MGRN1: variants seen among roughly 807,000 people sequenced by gnomAD.
MGRN1 encodes E3 ubiquitin-protein ligase MGRN1.
Under a neutral mutation model 69.2 loss-of-function variants are expected in MGRN1, and 29 were observed. That is an observed-to-expected ratio of 0.42 (90% CI 0.31 to 0.57). MGRN1 has a LOEUF of 0.57. Among genes scored for constraint, MGRN1 ranks in the 20% least tolerant of loss-of-function variants. MGRN1 has a pLI of 0.15. For missense variants in MGRN1, 998 were observed against 796.2 expected (o/e 1.25, Z -3.05); for synonymous variants, 470 against 344.2 (o/e 1.37, Z -4.04).
rs114719525 is a variant in MGRN1 at position 4,678,536 on chromosome 16, C to T, written c.1065+964C>T. Among the ~76,000 whole-genome samples, 906 of 150,122 alleles carry T rather than the reference C, an allele frequency of 6.0e-3. 8 individuals are homozygous for T. Among genetic ancestry groups the T allele is most frequent in the Middle Eastern group, 0.017 (5 of 294 alleles). ...GAAGAGACAGACAGATGTGGAGAGACGGAGAGACAGATGTGGAGAGACAGG... is the reference window on the plus strand; with the variant it reads ...GAAGAGACAGACAGATGTGGAGAGATGGAGAGACAGATGTGGAGAGACAGG... On this transcript the variant is annotated intron_variant, in intron 11 of 16. Coordinates refer to ENST00000262370, the MANE Select transcript of MGRN1 (RefSeq NM_015246.4).
chr16:4,685,544 G>A (rs2079292962), intron 16 of MGRN1, among the ~76,000 whole-genome samples: 1 of 152,260 alleles, frequency 6.6e-6, no homozygotes, highest in Non-Finnish European at 1.5e-5. Flanking sequence ...CCCGCTCTTG[G>A]AGTTGGCTGC....
intron 11 of MGRN1, among the ~76,000 whole-genome samples, chr16:4,678,582 C>T (rs1011799677): frequency 3.9e-5 from 6 of 151,978 alleles, no homozygotes; most frequent in African/African-American, 1.2e-4. Context: ...TGTGGAGAGA[C>T]ACAGGGAGAG....
intron 16 of MGRN1, chr16:4,687,186 C>CTGT (rs2079342792): frequency 1.0e-6 from 1 of 976,480 alleles, no homozygotes; most frequent in South Asian, 4.8e-5. Context: ...ATAGGAGGCC[C>CTGT]TGTGAGGTTG....
chr16:4,659,380 G>A (rs938043617), intron 5 of MGRN1, among the ~76,000 whole-genome samples: 3 of 151,986 alleles, frequency 2.0e-5, no homozygotes, highest in African/African-American at 7.2e-5. Flanking sequence ...TGTTTCCTGG[G>A]GTCCCTCCCC....
At chr16:4,626,152 G>C (rs1004175631) in intron 1 of MGRN1, among the ~76,000 whole-genome samples, 5 of 152,254 alleles carry the variant, frequency 3.3e-5, no homozygotes, top group South Asian at 2.1e-4. Flanking sequence ...GTGTGACTAG[G>C]TGAGGGCCTG....
In MGRN1 at chr16:4,676,045, C is replaced by G. The variant is rs570561642; in HGVS notation, c.956-1418C>G. On this transcript the variant is annotated intron_variant, in intron 10 of 16. Coordinates refer to ENST00000262370, the MANE Select transcript of MGRN1 (RefSeq NM_015246.4). ...TGCCTGCGCAGCTGCAGGACACATG[C>G]GCTTAGTAGGCCAGCAGACCTCCAA... 2.8e-3 allele frequency among the ~76,000 whole-genome samples: 434 copies of G among 152,348 alleles called. 1 individual carries two copies. Among genetic ancestry groups the G allele is most frequent in the Middle Eastern group, 0.02 (6 of 294 alleles).
chr16:4,688,861 G>A lies in MGRN1; in HGVS notation c.1684G>A (p.Gly562Ser). Residue 562 changes from glycine to serine, a missense_variant, in exon 17 of 17, where the codon GGT becomes AGT. Coordinates refer to ENST00000262370, the MANE Select transcript of MGRN1 (RefSeq NM_015246.4). ...CACCAGCCCCACCTGGCCTCCACTT[G>A]GTGGCCCCAGCCCCGATCCCAGCGC... ...ATTSPTWPPL[G>S]GPSPDPSAAE... The A allele has an allele frequency of 6.4e-7, 1 of 1,554,714 alleles. No individual in the cohort carries two copies. Among genetic ancestry groups the A allele is most frequent in the Non-Finnish European group, 8.7e-7 (1 of 1,148,808 alleles).
intron 12 of MGRN1, chr16:4,680,374 G>T: frequency 2.3e-6 from 1 of 434,576 alleles, no homozygotes; most frequent in South Asian, 2.7e-5. Flanking sequence ...TTTTTTTCTT[G>T]CTGGCAGTGG....
chr16:4,672,569 C>G, intron 9 of MGRN1: 1 of 417,236 alleles, frequency 2.4e-6, no homozygotes, highest in South Asian at 1.7e-5. Context: ...AGAAAAGGTT[C>G]AGAGAGGGAA....
chr16:4,640,803 C>T (rs900313652), intron 1 of MGRN1, among the ~76,000 whole-genome samples: 14 of 152,240 alleles, frequency 9.2e-5, no homozygotes, highest in Admixed American at 4.6e-4. Flanking sequence ...CGTGGTCCCC[C>T]GGCTGCAGGA....
chr16:4,683,105 C>A, intron 14 of MGRN1, 119 bp from the exon 15 acceptor site: 1 of 1,516,340 alleles, frequency 6.6e-7, no homozygotes. Flanking sequence ...TCTGTGGAGG[C>A]AGCACCCCCT....
At chr16:4,637,700 G>A (rs778198066) in intron 1 of MGRN1, among the ~76,000 whole-genome samples, 5 of 152,216 alleles carry the variant, frequency 3.3e-5, no homozygotes, top group Admixed American at 6.5e-5. Context: ...CCTGCAGAGC[G>A]CCCCAGCTGC....
intron 16 of MGRN1, chr16:4,686,847 T>A: frequency 1.0e-6 from 1 of 985,904 alleles, no homozygotes; most frequent in Non-Finnish European, 1.2e-6. Context: ...CTTTAACAAT[T>A]CATGGGGAAA....
chr16:4,635,265 A>C (rs1359470819), intron 1 of MGRN1, among the ~76,000 whole-genome samples: 1 of 151,976 alleles, frequency 6.6e-6, no homozygotes, highest in Non-Finnish European at 1.5e-5. Flanking sequence ...TCCAAAAAAA[A>C]AAATAGCCAA....
intron 15 of MGRN1, 90 bp from the exon 16 acceptor site, chr16:4,683,753 C>T (rs986326836): frequency 8.6e-7 from 1 of 1,169,480 alleles, no homozygotes; most frequent in African/African-American, 1.5e-5. Flanking sequence ...CTACAGAGCC[C>T]TTGGGTAAGA....
intron 7 of MGRN1, among the ~76,000 whole-genome samples, chr16:4,666,305 AT>A (rs949048769): frequency 6.6e-6 from 1 of 151,630 alleles, no homozygotes; most frequent in Non-Finnish European, 1.5e-5. Flanking sequence ...ACTTAAAAAA[AT>A]TTTTTTGTAG....
At chr16:4,681,908 G>A (rs2079190561) in intron 13 of MGRN1, 132 bp downstream of exon 13, 13 of 933,948 alleles carry the variant, frequency 1.4e-5, no homozygotes, top group East Asian at 2.7e-5. Context: ...CGGAGACCCC[G>A]TATCAGGTTA....
chr16:4,661,136 C>G (rs1439409732), intron 5 of MGRN1, among the ~76,000 whole-genome samples: 1 of 140,534 alleles, frequency 7.1e-6, no homozygotes, highest in African/African-American at 2.6e-5. Flanking sequence ...GCCACAACTA[C>G]TGGCTGATTT....
chr16:4,682,203 C>T (rs911097236), intron 13 of MGRN1, among the ~76,000 whole-genome samples: 1 of 152,226 alleles, frequency 6.6e-6, no homozygotes, highest in Non-Finnish European at 1.5e-5. Flanking sequence ...GACCCAGGCA[C>T]ACTCACTGCT....
Sources: gnomAD v4.1 joint callset for allele counts (sites outside exome capture counted in the v4.1 genomes callset) on GRCh38, gnomAD v4.1.1 for gene constraint, MANE v1.5 for transcripts, NCBI Gene and HGNC (gene_info 2026-07-23, HGNC 2026-07-21) for gene names.